TUBB2A: variants seen among roughly 807,000 people sequenced by gnomAD.
TUBB2A encodes the protein tubulin beta 2A class IIa.
In TUBB2A, 7 loss-of-function variants were observed where a neutral mutation model predicts 33.9. That is an observed-to-expected ratio of 0.21 (90% CI 0.12 to 0.39). The LOEUF (loss-of-function observed/expected upper bound fraction) is 0.39, where lower values mean the gene tolerates loss of function less well. Among genes scored for constraint, TUBB2A ranks in the 10% least tolerant of loss-of-function variants. The pLI is 1.00. For missense variants in TUBB2A, 80 were observed against 593.4 expected (o/e 0.13, Z 8.99); for synonymous variants, 187 against 247.6 (o/e 0.76, Z 2.30).
rs139042658 is a variant in TUBB2A, at chr6:3,155,518, G to A, written c.277+107C>T. ...AGCTAGGCCAGGACTCAGGGCTGCC[G>A]TGGACACAGTGTCACCTTGGCACTG... is the stretch of plus-strand genomic sequence containing the variant. On this transcript the variant is annotated intron_variant, in intron 3 of 3. Coordinates refer to ENST00000333628, the MANE Select transcript of TUBB2A (RefSeq NM_001069.3). This position sits in a 1 kb window ranked among gnomAD's most constrained non-coding sequence, Gnocchi z 4.2. 519 of 823,910 alleles carry A rather than the reference G, an allele frequency of 6.3e-4. 2 individuals are homozygous for A. The highest frequency in any genetic ancestry group is 5.3e-3 in the African/African-American group (308 of 58,522). 51.0% of individuals were successfully genotyped at this position (823,910 alleles called of 1,614,324 possible).
Position 3,155,376 on chromosome 6 carries a change from G to A in TUBB2A, c.277+249C>T, listed in dbSNP as rs1175455336. Among the ~76,000 whole-genome samples the A allele has an allele frequency of 6.6e-6, 1 of 152,202 alleles. No homozygotes were observed. Among genetic ancestry groups the A allele is most frequent in the East Asian group, 1.9e-4 (1 of 5,198 alleles). On this transcript the variant is annotated intron_variant, in intron 3 of 3. Transcript: ENST00000333628. This position sits in a 1 kb window ranked among gnomAD's most constrained non-coding sequence, Gnocchi z 4.2. ...TATAGCCTATGAAGCCTGGCTTGAA[G>A]CTTTTCCTTGCTCTTTCTTCCTTCC... is the stretch of plus-strand genomic sequence containing the variant.
At chr6:3,156,688 G>A (rs1762640729) in intron 1 of TUBB2A, among the ~76,000 whole-genome samples, 1 of 152,252 alleles carries the variant, frequency 6.6e-6, no homozygotes, top group African/African-American at 2.4e-5. Context: ...GCAGGAGCCT[G>A]GGAGGGCACC....
intron 3 of TUBB2A, 75 bp from the exon 4 acceptor site, chr6:3,154,998 G>A: frequency 6.3e-7 from 1 of 1,596,410 alleles, no homozygotes; most frequent in African/African-American, 1.3e-5. Context: ...CTATGGAGGA[G>A]AAGGTAGGAC....
chr6:3,153,694 A>T lies in TUBB2A; in HGVS notation c.*169T>A. On this transcript the variant is annotated 3_prime_UTR_variant, in exon 4 of 4. Transcript: ENST00000333628. Reference sequence around the variant, plus strand: ...TCTACACATGCTTTTTTATTAGTATAGATACCTTCACAGACAATACTGTAA... The same window carrying T: ...TCTACACATGCTTTTTTATTAGTATTGATACCTTCACAGACAATACTGTAA... 1 of 1,072,842 alleles carries T rather than the reference A, an allele frequency of 9.3e-7. No individual in the cohort carries two copies. Among genetic ancestry groups the T allele is most frequent in the Non-Finnish European group, 1.3e-6 (1 of 754,110 alleles). The allele number at this position is 1,072,842 out of a possible 1,614,324, so 66.5% of individuals were successfully genotyped here. A position where few individuals can be genotyped will look rare whatever the true frequency, so the allele number is the denominator to read the frequency against.
Position 3,154,508 on chromosome 6 carries a change from G to A in TUBB2A, c.693C>T (p.Ala231=). 1 of 1,608,530 alleles carries A rather than the reference G, an allele frequency of 6.2e-7. No homozygotes were observed. Among genetic ancestry groups the A allele is most frequent in the Non-Finnish European group, 8.5e-7 (1 of 1,178,032 alleles). The change falls in exon 4 of 4, where the codon GCC becomes GCT. Residue 231 remains alanine (A), a synonymous_variant. Coordinates refer to ENST00000333628, the MANE Select transcript of TUBB2A (RefSeq NM_001069.3). ...GGCAGGTGGTGACCCCGCTCATGGTGGCCGACACCAGGTGGTTGAGGTCCC... is the reference window on the plus strand; with the variant it reads ...GGCAGGTGGTGACCCCGCTCATGGTAGCCGACACCAGGTGGTTGAGGTCCC... ...TYGDLNHLVS[A]TMSGVTTCLR...
At chr6:3,157,293 C>G (rs1341251057) in intron 1 of TUBB2A, 114 bp downstream of exon 1, 1 of 1,187,500 alleles carries the variant, frequency 8.4e-7, no homozygotes, top group Non-Finnish European at 1.0e-6. Context: ...GGCGGCCTCG[C>G]CGCGGAATGT....
At position 3,153,788 on chromosome 6, in the gene TUBB2A, T is replaced by C; in HGVS notation, c.*75A>G. On this transcript the variant is annotated 3_prime_UTR_variant, in exon 4 of 4. Coordinates refer to ENST00000333628, the MANE Select transcript of TUBB2A (RefSeq NM_001069.3). Reference sequence around the variant, plus strand: ...CTAACAGAGGCAAAACTGAGCACCATAGTTTACAAGTAGAAAGACCATGCT... The same window carrying C: ...CTAACAGAGGCAAAACTGAGCACCACAGTTTACAAGTAGAAAGACCATGCT... 1 of 1,594,030 alleles carries C rather than the reference T, an allele frequency of 6.3e-7. No homozygotes were observed. The highest frequency in any genetic ancestry group is 1.7e-5 in the Admixed American group (1 of 59,102).
In TUBB2A at chr6:3,155,027, TTC is replaced by T; in HGVS notation, c.278-106_278-105del. On this transcript the variant is annotated intron_variant, in intron 3 of 3. Coordinates refer to ENST00000333628, the MANE Select transcript of TUBB2A (RefSeq NM_001069.3). The surrounding 1 kb of genome is among the most constrained non-coding windows in gnomAD (Gnocchi z 4.2). ...GTAGGACTGGTCTTAGACTGGCAGA[TTC>T]TTCTCTTTTGAATACTCTTCTTTTA... 6.4e-7 allele frequency: 1 copy of T among 1,550,504 alleles called. No individual in the cohort carries two copies.
chr6:3,155,176 A>C lies in TUBB2A; in HGVS notation c.278-253T>G. On this transcript the variant is annotated intron_variant, in intron 3 of 3. Transcript: ENST00000333628. This position sits in a 1 kb window ranked among gnomAD's most constrained non-coding sequence, Gnocchi z 4.2. ...GGAAGAGGATAGGGTTAGAAAACTTAATTGGTTCTGAAATACATACATTTT... is the reference window on the plus strand; with the variant it reads ...GGAAGAGGATAGGGTTAGAAAACTTCATTGGTTCTGAAATACATACATTTT... 9.8e-7 allele frequency: 1 copy of C among 1,015,742 alleles called. No homozygotes were observed. The highest frequency in any genetic ancestry group is 1.4e-6 in the Non-Finnish European group (1 of 718,760). 62.9% of individuals were successfully genotyped at this position (1,015,742 alleles called of 1,614,324 possible).
At position 3,157,474 on chromosome 6, in the gene TUBB2A, GCGGAGCGGGTGGCGCTGGCCCT is replaced by G. The variant is rs1241407973; in HGVS notation, c.-33_-12del. On this transcript the variant is annotated 5_prime_UTR_variant, in exon 1 of 4. Transcript: ENST00000333628. ...CACGATCTCGCGCATGGTGCCGGCTGCGGAGCGGGTGGCGCTGGCCCTCGGAGCGGTGCGCGGCGTGGACCGG... is the reference window on the plus strand; with the variant it reads ...CACGATCTCGCGCATGGTGCCGGCTGCGGAGCGGTGCGCGGCGTGGACCGG... 3 of 1,524,230 alleles carry G rather than the reference GCGGAGCGGGTGGCGCTGGCCCT, an allele frequency of 2.0e-6. No homozygotes were observed. The highest frequency in any genetic ancestry group is 2.6e-6 in the Non-Finnish European group (3 of 1,142,324). The allele number at this position is 1,524,230 out of a possible 1,614,324, so 94.4% of individuals were successfully genotyped here. A position where few individuals can be genotyped will look rare whatever the true frequency, so the allele number is the denominator to read the frequency against.
intron 1 of TUBB2A, among the ~76,000 whole-genome samples, 165 bp downstream of exon 1, chr6:3,157,242 C>T (rs952480853): frequency 2.6e-5 from 4 of 152,154 alleles, no homozygotes; most frequent in African/African-American, 7.2e-5. Flanking sequence ...TGCGGCGCTG[C>T]GGGCATCCTG....
chr6:3,157,376 A>G lies in TUBB2A; in HGVS notation c.57+31T>C, dbSNP rs1762655458. 2.0e-6 allele frequency: 3 copies of G among 1,487,630 alleles called. No homozygotes were observed. In the East Asian group the frequency reaches 8.9e-5, roughly 44 times the overall value. The allele number at this position is 1,487,630 out of a possible 1,614,324, so 92.2% of individuals were successfully genotyped here. On this transcript the variant is annotated intron_variant, in intron 1 of 3. Coordinates refer to ENST00000333628, the MANE Select transcript of TUBB2A (RefSeq NM_001069.3). The stretch of plus-strand genomic sequence containing the variant: ...GCCCCAGCCCGCACCCTCGGTCCCA[A>G]CCCCGGGCCCCTCCGTGGCGGTGAG...
intron 1 of TUBB2A, 33 bp from the exon 2 acceptor site, chr6:3,156,185 G>A: frequency 6.2e-7 from 1 of 1,613,492 alleles, no homozygotes; most frequent in Admixed American, 1.7e-5. Context: ...CCATGGCTCT[G>A]CATCCTGAAT....
chr6:3,157,165 A>G lies in TUBB2A; in HGVS notation c.57+242T>C, dbSNP rs909962. ...GACAAATACACCCAGGGGAATGCCAACCGCGTCCCGCAGAAGGGCTGTGTC... is the reference window on the plus strand; with the variant it reads ...GACAAATACACCCAGGGGAATGCCAGCCGCGTCCCGCAGAAGGGCTGTGTC... On this transcript the variant is annotated intron_variant, in intron 1 of 3. Coordinates refer to ENST00000333628, the MANE Select transcript of TUBB2A (RefSeq NM_001069.3). Among the ~76,000 whole-genome samples the G allele has an allele frequency of 0.64, 97,761 of 152,230 alleles. 32,483 individuals carry two copies. The highest frequency in any genetic ancestry group is 0.74 in the Non-Finnish European group (50,503 of 68,016).
intron 1 of TUBB2A, 26 bp downstream of exon 1, chr6:3,157,381 G>T (rs1413225741): frequency 2.0e-6 from 3 of 1,501,654 alleles, no homozygotes; most frequent in East Asian, 5.8e-5. Context: ...TCCCAACCCC[G>T]GGCCCCTCCG....
Position 3,157,510 on chromosome 6 carries a change from G to T in TUBB2A, c.-47C>A, listed in dbSNP as rs996720546. The T allele has an allele frequency of 2.1e-6, 3 of 1,451,740 alleles. No homozygotes were observed. Among genetic ancestry groups the T allele is most frequent in the Non-Finnish European group, 2.7e-6 (3 of 1,106,104 alleles). 89.9% of individuals were successfully genotyped at this position (1,451,740 alleles called of 1,614,324 possible). A position where few individuals can be genotyped will look rare whatever the true frequency, so the allele number is the denominator to read the frequency against. On this transcript the variant is annotated 5_prime_UTR_variant, in exon 1 of 4. Transcript: ENST00000333628. ...GGCGCTGGCCCTCGGAGCGGTGCGC[G>T]GCGTGGACCGGCGGGCTGGGCTGCG...
Position 3,153,675 on chromosome 6 carries a change from C to T in TUBB2A, c.*188G>A. On this transcript the variant is annotated 3_prime_UTR_variant, in exon 4 of 4. Coordinates refer to ENST00000333628, the MANE Select transcript of TUBB2A (RefSeq NM_001069.3). Reference sequence around the variant, plus strand: ...AACACAGACCACAAGGTTTTCTACACATGCTTTTTTATTAGTATAGATACC... The same window carrying T: ...AACACAGACCACAAGGTTTTCTACATATGCTTTTTTATTAGTATAGATACC... 5 of 929,838 alleles carry T rather than the reference C, an allele frequency of 5.4e-6. No individual in the cohort carries two copies. Among genetic ancestry groups the T allele is most frequent in the South Asian group, 1.8e-5 (1 of 55,726 alleles). 57.6% of individuals were successfully genotyped at this position (929,838 alleles called of 1,614,324 possible). A position where few individuals can be genotyped will look rare whatever the true frequency, so the allele number is the denominator to read the frequency against.
Position 3,155,882 on chromosome 6 carries a change from A to C in TUBB2A, c.167-147T>G. The C allele has an allele frequency of 7.1e-7, 1 of 1,413,188 alleles. No individual in the cohort carries two copies. The highest frequency in any genetic ancestry group is 9.5e-7 in the Non-Finnish European group (1 of 1,050,206). The allele number at this position is 1,413,188 out of a possible 1,614,324, so 87.5% of individuals were successfully genotyped here. On this transcript the variant is annotated intron_variant, in intron 2 of 3. Coordinates refer to ENST00000333628, the MANE Select transcript of TUBB2A (RefSeq NM_001069.3). The surrounding 1 kb of genome is among the most constrained non-coding windows in gnomAD (Gnocchi z 4.2). ...CTGAGTGTGCTTAGCCGTGGCAAAC[A>C]GGCAGGAATCTTAGGAAACCATAAA... is the stretch of plus-strand genomic sequence containing the variant.
Position 3,153,754 on chromosome 6 carries a change from T to C in TUBB2A, c.*109A>G. 1 of 1,504,314 alleles carries C rather than the reference T, an allele frequency of 6.6e-7. No individual in the cohort carries two copies. Among genetic ancestry groups the C allele is most frequent in the Non-Finnish European group, 9.1e-7 (1 of 1,104,944 alleles). The allele number at this position is 1,504,314 out of a possible 1,614,324, so 93.2% of individuals were successfully genotyped here. A position where few individuals can be genotyped will look rare whatever the true frequency, so the allele number is the denominator to read the frequency against. On this transcript the variant is annotated 3_prime_UTR_variant, in exon 4 of 4. Transcript: ENST00000333628. ...GAGTTCCACATCATTACATCAACAG[T>C]GTGAATTTCTAACAGAGGCAAAACT...
Sources: gnomAD v4.1 joint callset for allele counts (sites outside exome capture counted in the v4.1 genomes callset) on GRCh38, gnomAD v4.1.1 for gene constraint, Gnocchi (gnomAD v3.1) non-coding constraint, MANE v1.5 for transcripts, NCBI Gene and HGNC (gene_info 2026-07-23, HGNC 2026-07-21) for gene names.